The following CFAP45 variants were observed in gnomAD, a reference collection of about 807,000 sequenced individuals.
CFAP45 encodes cilia- and flagella-associated protein 45.
In CFAP45, 43 loss-of-function variants were observed where a neutral mutation model predicts 75.6. The ratio of observed to expected loss-of-function variants is 0.57; its 90% CI spans 0.45 to 0.73. The LOEUF (loss-of-function observed/expected upper bound fraction) is 0.73, where lower values mean the gene tolerates loss of function less well. CFAP45 is among the 30% of genes least tolerant of loss of function. The pLI, the probability that CFAP45 is intolerant of heterozygous loss-of-function variation, is 0.00. For synonymous variants in CFAP45, 223 were observed against 244.6 expected (o/e 0.91, Z 0.82); for missense variants, 689 against 701.5 (o/e 0.98, Z 0.20).
At position 159,882,952 on chromosome 1, in the gene CFAP45, C is replaced by T. The variant is rs117590415; in HGVS notation, c.897+1484G>A. 3.9e-4 allele frequency among the ~76,000 whole-genome samples: 60 copies of T among 152,270 alleles called. 2 individuals carry two copies. The East Asian group carries it at 0.01, about 26-fold the overall frequency. On this transcript the variant is annotated intron_variant, in intron 7 of 11. Coordinates refer to ENST00000368099, the MANE Select transcript of CFAP45 (RefSeq NM_012337.3). ...CTCATGCAGTTCACAGAGCTGTGTG[C>T]CCCTTCAGTTTCCCAACTACCCAGG... is the stretch of plus-strand genomic sequence containing the variant.
chr1:159,888,956 G>A (rs565560724), intron 3 of CFAP45, among the ~76,000 whole-genome samples: 4 of 152,172 alleles, frequency 2.6e-5, no homozygotes, highest in East Asian at 3.9e-4. Flanking sequence ...CTGGCATAGC[G>A]CTTGGTACAG....
At position 159,897,336 on chromosome 1, in the gene CFAP45, C is replaced by T. The variant is rs553950076; in HGVS notation, c.3+2760G>A. ...TGGTGGCTCACGCCTGTAATCCCAG[C>T]ACTTTGGGAGGCCAAAGTGGGTGGA... is the stretch of plus-strand genomic sequence containing the variant. On this transcript the variant is annotated intron_variant, in intron 1 of 11. Transcript: ENST00000368099. 6.7e-3 allele frequency among the ~76,000 whole-genome samples: 1,023 copies of T among 152,216 alleles called. 17 individuals are homozygous for T. Among genetic ancestry groups the T allele is most frequent in the African/African-American group, 0.024 (979 of 41,524 alleles).
chr1:159,880,467 A>T, intron 8 of CFAP45, 87 bp downstream of exon 8: 1 of 1,262,802 alleles, frequency 7.9e-7, no homozygotes, highest in African/African-American at 1.5e-5. Flanking sequence ...GCTGCCTTCC[A>T]CTGGAGTTCC....
chr1:159,888,434 A>C lies in CFAP45; in HGVS notation c.335T>G (p.Ile112Ser), dbSNP rs1260720084. The change falls in exon 4 of 12, where the codon ATC becomes AGC. Residue 112 changes from isoleucine to serine, a missense_variant. Coordinates refer to ENST00000368099, the MANE Select transcript of CFAP45 (RefSeq NM_012337.3). ...GGTCAGGACATGGGATGCCCATTTG[A>C]TTCGCTCAAACTCCTCAGGGCTGAT... Reference protein sequence around the residue: ...LIISPEEFERIKWASHVLTRE... With the variant: ...LIISPEEFERSKWASHVLTRE... The C allele has an allele frequency of 1.9e-6, 3 of 1,606,152 alleles. No homozygotes were observed. In the South Asian group the frequency reaches 3.3e-5, roughly 18 times the overall value.
chr1:159,889,600 A>G (rs995838209), intron 3 of CFAP45, among the ~76,000 whole-genome samples: 1 of 152,234 alleles, frequency 6.6e-6, no homozygotes, highest in Non-Finnish European at 1.5e-5. Context: ...CTTGTCCTCC[A>G]ACGTGTTTTC....
At chr1:159,873,468 A>G (rs2101839436) in intron 10 of CFAP45, 1 of 422,834 alleles carries the variant, frequency 2.4e-6, no homozygotes, top group African/African-American at 2.0e-5. Context: ...TGAAATTCTT[A>G]ATAATTTTTG....
chr1:159,890,728 C>T, intron 2 of CFAP45, 106 bp from the exon 3 acceptor site: 1 of 879,664 alleles, frequency 1.1e-6, no homozygotes, highest in Non-Finnish European at 1.8e-6. Context: ...CTGAGCATGG[C>T]TGGATGTGTA....
At chr1:159,888,534 G>C (rs1438088931) in intron 3 of CFAP45, 38 bp from the exon 4 acceptor site, 1 of 1,601,414 alleles carries the variant, frequency 6.2e-7, no homozygotes. Context: ...AGGGGAGAGG[G>C]AAAGCTCTCA....
chr1:159,885,476 C>T (rs896950894), intron 6 of CFAP45, among the ~76,000 whole-genome samples: 1 of 152,140 alleles, frequency 6.6e-6, no homozygotes, highest in East Asian at 1.9e-4. Context: ...CAGTGTGGTA[C>T]AAAGATTATT....
chr1:159,887,777 A>G, intron 5 of CFAP45, 64 bp downstream of exon 5: 6 of 957,738 alleles, frequency 6.3e-6, no homozygotes, highest in South Asian at 1.4e-5. Flanking sequence ...CCAGTGCGGG[A>G]ATAAGGGGAG....
At chr1:159,887,681 T>C (rs534081443) in intron 5 of CFAP45, among the ~76,000 whole-genome samples, 160 bp downstream of exon 5, 1 of 152,330 alleles carries the variant, frequency 6.6e-6, no homozygotes, top group Non-Finnish European at 1.5e-5. Context: ...GAGCCAGTCC[T>C]CACTGTGATC....
chr1:159,893,566 G>A (rs1649878911), intron 1 of CFAP45, among the ~76,000 whole-genome samples: 1 of 152,174 alleles, frequency 6.6e-6, no homozygotes, highest in Non-Finnish European at 1.5e-5. Context: ...TGATCTCATA[G>A]AAGTACAGAG....
At chr1:159,881,356 T>G (rs1197066862) in intron 7 of CFAP45, among the ~76,000 whole-genome samples, 1 of 152,246 alleles carries the variant, frequency 6.6e-6, no homozygotes, top group Admixed American at 6.5e-5. Flanking sequence ...CTGGAAATCT[T>G]GCTTGATTGC....
At position 159,900,158 on chromosome 1, in the gene CFAP45, C is replaced by A; in HGVS notation, c.-60G>T. 6.2e-7 allele frequency: 1 copy of A among 1,611,784 alleles called. No individual in the cohort carries two copies. On this transcript the variant is annotated 5_prime_UTR_variant, in exon 1 of 12. The change creates a new upstream start codon in the 5' untranslated region. Coordinates refer to ENST00000368099, the MANE Select transcript of CFAP45 (RefSeq NM_012337.3). ...CTGCCGCCTCGGCGCCGCCAAGGCC[C>A]TAGTGTTGACGCGTTACCTTGGCAA...
At chr1:159,873,481 C>A (rs1268441444) in intron 10 of CFAP45, 2 of 380,410 alleles carry the variant, frequency 5.3e-6, no homozygotes, top group Admixed American at 4.1e-5. Flanking sequence ...AATTTTTGAA[C>A]AAGGGAGTCC....
chr1:159,889,322 T>C (rs1649772575), intron 3 of CFAP45, among the ~76,000 whole-genome samples: 1 of 152,046 alleles, frequency 6.6e-6, no homozygotes. Flanking sequence ...GGCAGGTACA[T>C]GCCAATTTGA....
intron 1 of CFAP45, among the ~76,000 whole-genome samples, chr1:159,895,692 T>C (rs904013942): frequency 3.9e-5 from 6 of 152,216 alleles, no homozygotes; most frequent in African/African-American, 7.2e-5. Context: ...GGATGCCTAA[T>C]AACAGCCTCT....
In CFAP45 at chr1:159,898,261, T is replaced by C; in HGVS notation, c.3+1835A>G. 10 of 985,036 alleles carry C rather than the reference T, an allele frequency of 1.0e-5. No homozygotes were observed. In the South Asian group the frequency reaches 4.7e-4, roughly 46 times the overall value. 61.0% of individuals were successfully genotyped at this position (985,036 alleles called of 1,614,324 possible). Reference sequence around the variant, plus strand: ...TCCTCTTTCTTCAATTGGGACCAAGTTGGCCATCTGTAGGATGCCACCAGA... The same window carrying C: ...TCCTCTTTCTTCAATTGGGACCAAGCTGGCCATCTGTAGGATGCCACCAGA... On this transcript the variant is annotated intron_variant, in intron 1 of 11. Coordinates refer to ENST00000368099, the MANE Select transcript of CFAP45 (RefSeq NM_012337.3).
chr1:159,893,728 A>G (rs1009376796), intron 1 of CFAP45, among the ~76,000 whole-genome samples: 1 of 152,176 alleles, frequency 6.6e-6, no homozygotes, highest in Non-Finnish European at 1.5e-5. Flanking sequence ...AATGTACTGT[A>G]TATCTCAAAA....
Sources: allele counts gnomAD v4.1 joint callset (sites outside exome capture counted in the v4.1 genomes callset), GRCh38; gene constraint gnomAD v4.1.1; transcripts MANE v1.5; gene names NCBI Gene and HGNC (gene_info 2026-07-23, HGNC 2026-07-21).